The following SMYD3 variants were observed in gnomAD, a reference collection of about 807,000 sequenced individuals.
SMYD3 encodes SET and MYND domain containing 3.
SMYD3 carries 36 observed loss-of-function variants against 57.7 expected under a neutral mutation model. That is an observed-to-expected ratio of 0.62 (90% CI 0.48 to 0.82). The LOEUF is 0.82. Ranked by LOEUF, SMYD3 falls within the 40% of genes least tolerant of loss-of-function variation. SMYD3 has a pLI of 0.00. For missense variants in SMYD3, 515 were observed against 538.8 expected (o/e 0.96, Z 0.44); for synonymous variants, 211 against 195.0 (o/e 1.08, Z -0.68).
At chr1:246,151,245 C>CAAAAA (rs36099985) in intron 5 of SMYD3, among the ~76,000 whole-genome samples, 21 of 132,684 alleles carry the variant, frequency 1.6e-4, no homozygotes, top group African/African-American at 5.7e-4. Context: ...GACTCTGTCT[C>CAAAAA]AAAAAAAAAA....
intron 1 of SMYD3, among the ~76,000 whole-genome samples, chr1:246,485,607 C>T (rs1558486683): frequency 1.2e-4 from 4 of 34,162 alleles, no homozygotes; most frequent in African/African-American, 7.8e-4. Flanking sequence ...TACAGTGAGA[C>T]CCCCCCCCAC....
intron 10 of SMYD3, among the ~76,000 whole-genome samples, chr1:245,793,068 T>G (rs755285739): frequency 1.8e-5 from 1 of 56,170 alleles, no homozygotes; most frequent in Non-Finnish European, 3.8e-5. Flanking sequence ...CCCAGCACTT[T>G]GGGAGGCCGA....
chr1:245,871,587 C>A (rs745900216), intron 8 of SMYD3, among the ~76,000 whole-genome samples: 1 of 152,208 alleles, frequency 6.6e-6, no homozygotes, highest in Non-Finnish European at 1.5e-5. Flanking sequence ...CAAATGTACA[C>A]AACGATTAAC....
At chr1:246,421,089 C>T (rs556529322) in intron 1 of SMYD3, among the ~76,000 whole-genome samples, 30 of 152,256 alleles carry the variant, frequency 2.0e-4, no homozygotes, top group South Asian at 1.0e-3. Context: ...ACACTGTTTG[C>T]ATCATTAACT....
intron 3 of SMYD3, among the ~76,000 whole-genome samples, chr1:246,334,605 A>G (rs1188852351): frequency 6.6e-6 from 1 of 152,206 alleles, no homozygotes; most frequent in African/African-American, 2.4e-5. Flanking sequence ...AAAGCTAGCT[A>G]CTGGGTACCA....
chr1:246,076,758 T>C (rs776011015), intron 5 of SMYD3, among the ~76,000 whole-genome samples: 1 of 152,136 alleles, frequency 6.6e-6, no homozygotes, highest in Non-Finnish European at 1.5e-5. Context: ...AAAAAATGCT[T>C]TGCTTCACAA....
At chr1:245,940,111 G>T (rs1187649414) in intron 5 of SMYD3, among the ~76,000 whole-genome samples, 10 of 152,150 alleles carry the variant, frequency 6.6e-5, no homozygotes, top group Non-Finnish European at 1.0e-4. Flanking sequence ...TCCAGCCAGG[G>T]GTTTACGGAC....
chr1:245,946,257 GGA>G (rs956766780), intron 5 of SMYD3, among the ~76,000 whole-genome samples: 31 of 152,268 alleles, frequency 2.0e-4, no homozygotes, highest in African/African-American at 6.3e-4. Context: ...GAACAGGAGA[GGA>G]GAGATGGTCT....
intron 5 of SMYD3, among the ~76,000 whole-genome samples, chr1:246,306,817 C>T (rs1039675890): frequency 6.6e-6 from 1 of 152,164 alleles, no homozygotes; most frequent in Non-Finnish European, 1.5e-5. Context: ...CAAAGCCAAT[C>T]CTAATGACAA....
At chr1:246,497,873 A>C (rs566883176) in intron 1 of SMYD3, among the ~76,000 whole-genome samples, 1 of 147,188 alleles carries the variant, frequency 6.8e-6, no homozygotes, top group Admixed American at 6.8e-5. Flanking sequence ...TCTCTAGAGG[A>C]AAAAAAAAAA....
At chr1:246,439,893 T>C (rs2067437329) in intron 1 of SMYD3, among the ~76,000 whole-genome samples, 1 of 152,156 alleles carries the variant, frequency 6.6e-6, no homozygotes, top group Admixed American at 6.5e-5. Flanking sequence ...AAGGCTGCAG[T>C]GAGCCATGAT....
At position 246,014,310 on chromosome 1, in the gene SMYD3, G is replaced by A. The variant is rs2148204047; in HGVS notation, c.532-84373C>T. Among the ~76,000 whole-genome samples the A allele has an allele frequency of 5.9e-5, 9 of 152,276 alleles. No individual in the cohort carries two copies. In the South Asian group the frequency reaches 1.9e-3, roughly 32 times the overall value. On this transcript the variant is annotated intron_variant, in intron 5 of 11. Coordinates refer to ENST00000490107, the MANE Select transcript of SMYD3 (RefSeq NM_001167740.2). ...GCACTCCAGGCTGGGTGAAGAACAAGACTGTCTCAAACAAACAAACAAATA... is the reference window on the plus strand; with the variant it reads ...GCACTCCAGGCTGGGTGAAGAACAAAACTGTCTCAAACAAACAAACAAATA...
At chr1:245,859,239 C>T (rs1378134379) in intron 9 of SMYD3, among the ~76,000 whole-genome samples, 1 of 152,004 alleles carries the variant, frequency 6.6e-6, no homozygotes, top group South Asian at 2.1e-4. Flanking sequence ...TCATTTTTTC[C>T]GATTATAAAG....
chr1:246,019,731 C>T (rs1402898521), intron 5 of SMYD3, among the ~76,000 whole-genome samples: 3 of 151,982 alleles, frequency 2.0e-5, no homozygotes, highest in Non-Finnish European at 4.4e-5. Context: ...TTAATTTTTT[C>T]AAATCCTATA....
intron 5 of SMYD3, among the ~76,000 whole-genome samples, chr1:246,096,751 GATTGTAACAAATGTTTATC>G (rs371768061): frequency 0.017 from 2,603 of 152,280 alleles, 80 homozygotes; most frequent in African/African-American, 0.06. Flanking sequence ...AAATGGTTAT[GATTGTAACAAATGTTTATC>G]ATTGTAACAA....
intron 8 of SMYD3, among the ~76,000 whole-genome samples, chr1:245,896,823 G>C (rs1380914996): frequency 3.3e-5 from 5 of 152,168 alleles, no homozygotes; most frequent in Admixed American, 6.5e-5. Context: ...ATGCCATTAA[G>C]TTCTGGTTTT....
chr1:245,903,561 A>G (rs1192609111), intron 8 of SMYD3, among the ~76,000 whole-genome samples: 1 of 152,246 alleles, frequency 6.6e-6, no homozygotes, highest in East Asian at 1.9e-4. Context: ...TTAACTTCCT[A>G]TTGCGAAAAG....
chr1:246,487,172 G>C (rs1267560784), intron 1 of SMYD3, among the ~76,000 whole-genome samples: 1 of 150,634 alleles, frequency 6.6e-6, no homozygotes, highest in South Asian at 2.1e-4. Flanking sequence ...ATATGGTTGG[G>C]CATGGTAGCT....
chr1:245,997,901 T>C (rs1301694866), intron 5 of SMYD3, among the ~76,000 whole-genome samples: 3 of 152,252 alleles, frequency 2.0e-5, no homozygotes, highest in African/African-American at 7.2e-5. Context: ...CACAGCTTTC[T>C]CTGGCAGATG....
Sources: allele counts gnomAD v4.1 joint callset (sites outside exome capture counted in the v4.1 genomes callset), GRCh38; gene constraint gnomAD v4.1.1; transcripts MANE v1.5; gene names NCBI Gene and HGNC (gene_info 2026-07-23, HGNC 2026-07-21).